SPIRE1: variants seen among roughly 807,000 people sequenced by gnomAD.
SPIRE1 encodes the protein protein spire homolog 1.
A neutral mutation model predicts 94.1 loss-of-function variants in SPIRE1; 40 were observed. The observed-to-expected ratio is 0.43, with a 90% CI of 0.33 to 0.55. SPIRE1 has a LOEUF of 0.55. Among genes scored for constraint, SPIRE1 ranks in the 20% least tolerant of loss-of-function variants. The pLI, the probability that SPIRE1 is intolerant of heterozygous loss-of-function variation, is 0.06. For synonymous variants in SPIRE1, 376 were observed against 371.7 expected (o/e 1.01, Z -0.13); for missense variants, 838 against 975.2 (o/e 0.86, Z 1.87).
chr18:12,650,551 A>T (rs112688341), intron 1 of SPIRE1, among the ~76,000 whole-genome samples: 2,217 of 152,116 alleles, frequency 0.015, 64 homozygotes, highest in African/African-American at 0.051. Context: ...TCTACTAAAA[A>T]TACAAAAAAT....
chr18:12,617,159 A>T (rs1567969879), intron 2 of SPIRE1, among the ~76,000 whole-genome samples: 3 of 137,414 alleles, frequency 2.2e-5, no homozygotes, highest in African/African-American at 5.6e-5. Context: ...CATGCTCACT[A>T]TTTTTTTTTT....
intron 6 of SPIRE1, among the ~76,000 whole-genome samples, chr18:12,497,412 C>CCT (rs1340499629): frequency 6.6e-6 from 1 of 152,120 alleles, no homozygotes; most frequent in Non-Finnish European, 1.5e-5. Flanking sequence ...CTGTTTGTTT[C>CCT]CTGGTCTTGT....
intron 2 of SPIRE1, among the ~76,000 whole-genome samples, chr18:12,565,132 T>G (rs771877575): frequency 4.6e-5 from 7 of 152,158 alleles, no homozygotes; most frequent in Admixed American, 2.0e-4. Context: ...GCATATCAGT[T>G]TCTAACTACA....
chr18:12,619,974 T>G (rs989241732), intron 2 of SPIRE1, among the ~76,000 whole-genome samples: 1 of 151,824 alleles, frequency 6.6e-6, no homozygotes, highest in Non-Finnish European at 1.5e-5. Flanking sequence ...GAAAAAACAT[T>G]AAAATTAATA....
At chr18:12,503,930 T>C (rs934194037) in intron 6 of SPIRE1, among the ~76,000 whole-genome samples, 1 of 147,064 alleles carries the variant, frequency 6.8e-6, no homozygotes, top group Non-Finnish European at 1.5e-5. Context: ...ACTATTCTGT[T>C]ATAAATAATC....
chr18:12,470,657 G>A (rs900908852), intron 10 of SPIRE1, among the ~76,000 whole-genome samples: 3 of 152,166 alleles, frequency 2.0e-5, no homozygotes, highest in Non-Finnish European at 4.4e-5. Context: ...ACATGCATGT[G>A]CATGTACAGA....
intron 2 of SPIRE1, among the ~76,000 whole-genome samples, chr18:12,616,248 A>G (rs558936917): frequency 1.3e-5 from 2 of 152,340 alleles, no homozygotes; most frequent in African/African-American, 4.8e-5. Flanking sequence ...TTTGTGGTGT[A>G]GAATGGAGAA....
intron 2 of SPIRE1, among the ~76,000 whole-genome samples, chr18:12,577,313 A>T (rs2036134929): frequency 6.6e-6 from 1 of 151,942 alleles, no homozygotes; most frequent in African/African-American, 2.4e-5. Context: ...ACGCCCAGCT[A>T]ATTTTTTTGT....
chr18:12,627,953 G>C (rs993297565), intron 2 of SPIRE1, among the ~76,000 whole-genome samples: 3 of 152,014 alleles, frequency 2.0e-5, no homozygotes, highest in Non-Finnish European at 4.4e-5. Flanking sequence ...CTGGATATTA[G>C]CCCTTTGTCA....
intron 6 of SPIRE1, among the ~76,000 whole-genome samples, chr18:12,503,715 A>G (rs2033742181): frequency 8.5e-6 from 1 of 118,040 alleles, no homozygotes; most frequent in South Asian, 2.2e-4. Flanking sequence ...GAGTCAGAAT[A>G]AGGTCTAGCA....
At chr18:12,661,277 C>CAG (rs577391035), upstream of SPIRE1, 1,404 of 654,134 alleles carry the variant, frequency 2.1e-3, 5 homozygotes, top group South Asian at 0.014. Flanking sequence ...CATTGCACCC[C>CAG]AGCCTGGGTG....
At chr18:12,637,828 C>A (rs2037975909) in intron 1 of SPIRE1, among the ~76,000 whole-genome samples, 1 of 152,132 alleles carries the variant, frequency 6.6e-6, no homozygotes, top group South Asian at 2.1e-4. Flanking sequence ...TGCTTAAAAA[C>A]AATGATAGAG....
intron 2 of SPIRE1, among the ~76,000 whole-genome samples, chr18:12,621,627 G>A (rs931611990): frequency 7.2e-5 from 11 of 152,188 alleles, no homozygotes; most frequent in Non-Finnish European, 2.9e-5. Flanking sequence ...AATAACCTAT[G>A]AGTCCGTGCA....
intron 1 of SPIRE1, among the ~76,000 whole-genome samples, chr18:12,655,098 A>AC (rs1321998993): frequency 6.6e-6 from 1 of 151,786 alleles, no homozygotes; most frequent in Non-Finnish European, 1.5e-5. Context: ...TACACCTGTA[A>AC]CCCCAGCACT....
At chr18:12,493,334 C>T in intron 7 of SPIRE1, 133 bp from the exon 8 acceptor site, 1 of 817,738 alleles carries the variant, frequency 1.2e-6, no homozygotes, top group South Asian at 2.0e-5. Flanking sequence ...ACTTTCAAGT[C>T]ATTAAATATT....
chr18:12,658,202 G>A (rs1232886411), upstream of SPIRE1: 1 of 624,646 alleles, frequency 1.6e-6, no homozygotes, highest in Non-Finnish European at 2.5e-6. Flanking sequence ...TGCACGCTCT[G>A]GAGGTGAGGA....
chr18:12,469,836 AC>A (rs2032280971), intron 10 of SPIRE1, among the ~76,000 whole-genome samples: 1 of 150,432 alleles, frequency 6.6e-6, no homozygotes, highest in Admixed American at 6.7e-5. Context: ...CATTTGGAGT[AC>A]TAGATTTTGG....
intron 13 of SPIRE1, 83 bp from the exon 14 acceptor site, chr18:12,453,221 T>C: frequency 1.1e-6 from 1 of 874,716 alleles, no homozygotes; most frequent in Non-Finnish European, 1.8e-6. Context: ...GCTTTACATC[T>C]ATATATAGGG....
intron 2 of SPIRE1, among the ~76,000 whole-genome samples, chr18:12,583,138 T>C (rs1312075802): frequency 1.3e-5 from 2 of 152,202 alleles, no homozygotes; most frequent in Non-Finnish European, 2.9e-5. Flanking sequence ...CAAAGAAAGA[T>C]GACAGAAATT....
Sources: gnomAD v4.1 joint callset for allele counts (sites outside exome capture counted in the v4.1 genomes callset) on GRCh38, gnomAD v4.1.1 for gene constraint, MANE v1.5 for transcripts, NCBI Gene and HGNC (gene_info 2026-07-23, HGNC 2026-07-21) for gene names.